The following AGO4 variants were observed in gnomAD, a reference collection of about 807,000 sequenced individuals.
AGO4 encodes the protein argonaute RISC component 4.
Under a neutral mutation model 104.7 loss-of-function variants are expected in AGO4, and 33 were observed. The ratio of observed to expected loss-of-function variants is 0.32; its 90% confidence interval spans 0.24 to 0.42. The LOEUF (loss-of-function observed/expected upper bound fraction) is 0.42, where lower values mean the gene tolerates loss of function less well. Ranked by LOEUF, AGO4 falls within the 10% of genes least tolerant of loss-of-function variation. AGO4 has a pLI of 1.00. For missense variants in AGO4, 711 were observed against 1,083.4 expected, an observed-to-expected ratio of 0.66 and a Z score of 4.83; for synonymous variants, 331 against 364.7, an observed-to-expected ratio of 0.91 and a Z score of 1.05.
rs1308163387 is a variant in AGO4, at chr1:35,831,497, A to T, written c.919A>T (p.Ser307Cys). The T allele has an allele frequency of 6.2e-7, 1 of 1,614,178 alleles. No homozygotes were observed. Among genetic ancestry groups the T allele is most frequent in the Non-Finnish European group, 8.5e-7 (1 of 1,180,004 alleles). Residue 307 changes from serine to cysteine, a missense_variant, in exon 8 of 18, where the codon AGT becomes TGT. Ser to Cys is a moderately radical substitution (Grantham distance 112, BLOSUM62 -1). This residue lies in a region of AGO4 where 308 missense variants were observed against 397.8 expected (regional missense o/e 0.77). Coordinates refer to ENST00000373210, the MANE Select transcript of AGO4 (RefSeq NM_017629.4). ...AGCTCAATATTTTAAGCAAAAGTAT[A>T]GTCTGCAACTGAAATACCCCCATCT... Reference protein sequence around the residue: ...TVAQYFKQKYSLQLKYPHLPC... With the variant: ...TVAQYFKQKYCLQLKYPHLPC...
chr1:35,825,137 G>A (rs1429112605), intron 3 of AGO4, among the ~76,000 whole-genome samples, 176 bp from the exon 4 acceptor site: 2 of 151,970 alleles, frequency 1.3e-5, no homozygotes, highest in Non-Finnish European at 2.9e-5. Flanking sequence ...ATTGTATAAT[G>A]TTACATATTA....
intron 17 of AGO4, 24 bp downstream of exon 17, chr1:35,851,077 G>C (rs3806291): frequency 0.06 from 94,193 of 1,575,210 alleles, 3,435 homozygotes; most frequent in African/African-American, 0.18. Flanking sequence ...GCACAATAAA[G>C]TCTCTTTATA....
At chr1:35,845,502 C>T (rs535739540) in intron 15 of AGO4, among the ~76,000 whole-genome samples, 73 of 152,046 alleles carry the variant, frequency 4.8e-4, no homozygotes, top group African/African-American at 1.7e-3. Context: ...CCACTGTGCC[C>T]GGCCTGTAAT....
intron 1 of AGO4, among the ~76,000 whole-genome samples, chr1:35,809,241 G>A (rs1018636248): frequency 6.6e-6 from 1 of 152,200 alleles, no homozygotes; most frequent in Admixed American, 6.5e-5. Flanking sequence ...CAAACCAGAA[G>A]AACCATTCCA....
chr1:35,815,727 G>C (rs965549366), intron 1 of AGO4, among the ~76,000 whole-genome samples: 2 of 152,070 alleles, frequency 1.3e-5, no homozygotes, highest in Non-Finnish European at 2.9e-5. Context: ...TCTTTGTTGT[G>C]GGGGGCTATC....
intron 15 of AGO4, among the ~76,000 whole-genome samples, chr1:35,844,454 C>T (rs1337325825): frequency 6.6e-6 from 1 of 152,070 alleles, no homozygotes; most frequent in East Asian, 1.9e-4. Flanking sequence ...AGCATCTGTT[C>T]CACACCTTTA....
chr1:35,840,975 C>CAGTCAGTCCAG (rs1223651035), intron 13 of AGO4, among the ~76,000 whole-genome samples, 190 bp from the exon 14 acceptor site: 4 of 152,146 alleles, frequency 2.6e-5, no homozygotes, highest in South Asian at 2.1e-4. Context: ...TTCACTTCTT[C>CAGTCAGTCCAG]AGTCAGTCCA....
At chr1:35,844,397 A>T (rs1644517664) in intron 15 of AGO4, among the ~76,000 whole-genome samples, 1 of 152,186 alleles carries the variant, frequency 6.6e-6, no homozygotes, top group Non-Finnish European at 1.5e-5. Flanking sequence ...AGCAAATCTC[A>T]GCCAGGCCTT....
At chr1:35,807,835 C>G (rs1004104051), upstream of AGO4, among the ~76,000 whole-genome samples, 12 of 152,166 alleles carry the variant, frequency 7.9e-5, no homozygotes, top group African/African-American at 2.7e-4. Context: ...AAGTGGAAAA[C>G]TGAATCTGTG....
chr1:35,845,575 A>T (rs1644554035), intron 15 of AGO4, among the ~76,000 whole-genome samples: 2 of 152,082 alleles, frequency 1.3e-5, no homozygotes, highest in Middle Eastern at 3.4e-3. Context: ...CCGACATTTC[A>T]TACTTCTCTC....
chr1:35,817,369 C>G (rs1286588497), intron 2 of AGO4, among the ~76,000 whole-genome samples: 1 of 151,586 alleles, frequency 6.6e-6, no homozygotes, highest in East Asian at 1.9e-4. Context: ...TCTGGAAATT[C>G]AATTTTTATT....
At position 35,841,732 on chromosome 1, in the gene AGO4, T is replaced by C. The variant is rs1644447856; in HGVS notation, c.2157T>C (p.Cys719=). 1.2e-6 allele frequency: 2 copies of C among 1,613,700 alleles called. No individual in the cohort carries two copies. Among genetic ancestry groups the C allele is most frequent in the Non-Finnish European group, 1.7e-6 (2 of 1,179,956 alleles). The change falls in exon 15 of 18, where the codon TGT becomes TGC. Residue 719 remains cysteine, a synonymous_variant. Coordinates refer to ENST00000373210, the MANE Select transcript of AGO4 (RefSeq NM_017629.4). The surrounding 1 kb of genome is among the most constrained non-coding windows in gnomAD (Gnocchi z 4.7). Reference sequence around the variant, plus strand: ...AAAGACATCACACACGACTCTTCTGTGCAGATAAAACAGAAAGGGTAAGAA... The same window carrying C: ...AAAGACATCACACACGACTCTTCTGCGCAGATAAAACAGAAAGGGTAAGAA... ...VQKRHHTRLF[C]ADKTERVGKS...
chr1:35,841,385 C>A lies in AGO4; in HGVS notation c.1945C>A (p.Arg649=). Reference sequence around the variant, plus strand: ...CATCCAGGACCTGACTAACATGGTTCGAGAGCTGCTGATTCAGTTCTACAA... The same window carrying A: ...CATCCAGGACCTGACTAACATGGTTAGAGAGCTGCTGATTCAGTTCTACAA... ...EVIQDLTNMV[R]ELLIQFYKST... is the part of the protein sequence containing the mutation. Residue 649 remains arginine, a synonymous_variant, in exon 14 of 18, where the codon CGA becomes AGA. Coordinates refer to ENST00000373210, the MANE Select transcript of AGO4 (RefSeq NM_017629.4). The surrounding 1 kb of genome is among the most constrained non-coding windows in gnomAD (Gnocchi z 4.7). The A allele has an allele frequency of 6.2e-7, 1 of 1,614,162 alleles. No homozygotes were observed. The highest frequency in any genetic ancestry group is 2.2e-5 in the East Asian group (1 of 44,888).
chr1:35,823,065 C>A, intron 3 of AGO4, 83 bp downstream of exon 3: 2 of 1,487,696 alleles, frequency 1.3e-6, no homozygotes, highest in Non-Finnish European at 1.8e-6. Context: ...TCCCAACACA[C>A]ACAAAAAACA....
intron 15 of AGO4, 33 bp from the exon 16 acceptor site, chr1:35,850,124 T>C: frequency 6.7e-7 from 1 of 1,494,172 alleles, no homozygotes; most frequent in Non-Finnish European, 9.1e-7. Flanking sequence ...TTTGGCACTT[T>C]GATGACTAAT....
chr1:35,824,229 C>T (rs1250705211), intron 3 of AGO4, among the ~76,000 whole-genome samples: 1 of 152,058 alleles, frequency 6.6e-6, no homozygotes, highest in African/African-American at 2.4e-5. Context: ...TTACCGCCTC[C>T]ACCACTTATC....
In AGO4 at chr1:35,856,008, C is replaced by T. The variant is rs1007199651; in HGVS notation, c.*2403C>T. ...TGGAGCAGGGAGCAAGGCTATGTTC[C>T]CGAAAGCCCTGATTAGCTTGTCTTG... On this transcript the variant is annotated 3_prime_UTR_variant, in exon 18 of 18. Coordinates refer to ENST00000373210, the MANE Select transcript of AGO4 (RefSeq NM_017629.4). 6.6e-6 allele frequency: 1 copy of T among 152,288 alleles called. No homozygotes were observed. Among genetic ancestry groups the T allele is most frequent in the African/African-American group, 2.4e-5 (1 of 41,456 alleles). 9.4% of individuals were successfully genotyped at this position (152,288 alleles called of 1,614,324 possible).
Position 35,808,525 on chromosome 1 carries a change from G to A in AGO4, c.19+90G>A, listed in dbSNP as rs2148642531. 1 of 1,120,380 alleles carries A rather than the reference G, an allele frequency of 8.9e-7. No individual in the cohort carries two copies. Among genetic ancestry groups the A allele is most frequent in the Non-Finnish European group, 1.1e-6 (1 of 906,230 alleles). The allele number at this position is 1,120,380 out of a possible 1,614,324, so 69.4% of individuals were successfully genotyped here. On this transcript the variant is annotated intron_variant, in intron 1 of 17. Coordinates refer to ENST00000373210, the MANE Select transcript of AGO4 (RefSeq NM_017629.4). This position sits in a 1 kb window ranked among gnomAD's most constrained non-coding sequence, Gnocchi z 5.2. ...TTTCGCTGCCCCGTCGCCTCGCCGG[G>A]TTCGGGCCGCCAGGCCTCGGGGAAG...
Position 35,854,174 on chromosome 1 carries a change from C to T in AGO4, c.*569C>T, listed in dbSNP as rs1334262571. 1 of 152,536 alleles carries T rather than the reference C, an allele frequency of 6.6e-6. No homozygotes were observed. Among genetic ancestry groups the T allele is most frequent in the African/African-American group, 2.4e-5 (1 of 41,440 alleles). 9.4% of individuals were successfully genotyped at this position (152,536 alleles called of 1,614,324 possible). On this transcript the variant is annotated 3_prime_UTR_variant, in exon 18 of 18. Coordinates refer to ENST00000373210, the MANE Select transcript of AGO4 (RefSeq NM_017629.4). ...AGTTTTATTAGTTTTACTACTTTAT[C>T]TTATTGATCTCTGCAGACTTGTGCT...
Sources: gnomAD v4.1 joint callset for allele counts (sites outside exome capture counted in the v4.1 genomes callset) on GRCh38, gnomAD v4.1.1 for gene constraint, gnomAD v4.1.1 regional missense constraint, Gnocchi (gnomAD v3.1) non-coding constraint, MANE v1.5 for transcripts, NCBI Gene and HGNC (gene_info 2026-07-23, HGNC 2026-07-21) for gene names.